The following STK38L variants were observed in gnomAD, a reference collection of about 807,000 sequenced individuals.
STK38L encodes serine/threonine kinase 38 like, also known as serine/threonine-protein kinase 38-like.
In STK38L, 28 loss-of-function variants were observed where a neutral mutation model predicts 59.7. The ratio of observed to expected loss-of-function variants is 0.47; its 90% CI spans 0.35 to 0.64. The LOEUF is 0.64. Among genes scored for constraint, STK38L ranks in the 30% least tolerant of loss-of-function variants. The probability of loss-of-function intolerance (pLI) is 0.01; values close to 1 mark genes in which losing one functional copy is unlikely to be tolerated. For synonymous variants in STK38L, 162 were observed against 176.8 expected, an observed-to-expected ratio of 0.92 and a Z score of 0.66; for missense variants, 314 against 555.8, an observed-to-expected ratio of 0.56 and a Z score of 4.37.
At chr12:27,262,312 T>C (rs1304408486) in intron 1 of STK38L, among the ~76,000 whole-genome samples, 1 of 152,184 alleles carries the variant, frequency 6.6e-6, no homozygotes, top group Non-Finnish European at 1.5e-5. Context: ...ATTTCAACTT[T>C]TAAAAATAGA....
intron 6 of STK38L, among the ~76,000 whole-genome samples, chr12:27,312,886 G>A (rs1944488611): frequency 6.6e-6 from 1 of 152,144 alleles, no homozygotes; most frequent in Non-Finnish European, 1.5e-5. Flanking sequence ...AAATATTACC[G>A]TTCTGGGTTC....
chr12:27,298,043 A>C (rs1311013976), intron 2 of STK38L, 189 bp downstream of exon 2: 2 of 627,658 alleles, frequency 3.2e-6, no homozygotes, highest in Non-Finnish European at 5.2e-6. Flanking sequence ...GAGGTGCCCC[A>C]AGTCTTGTGC....
intron 1 of STK38L, among the ~76,000 whole-genome samples, chr12:27,273,055 T>C (rs1943457890): frequency 6.9e-6 from 1 of 145,464 alleles, no homozygotes. Flanking sequence ...GATTTTTTTC[T>C]TTTTTTTTTT....
intron 6 of STK38L, 59 bp from the exon 7 acceptor site, chr12:27,314,445 A>G: frequency 7.6e-7 from 1 of 1,322,262 alleles, no homozygotes; most frequent in Non-Finnish European, 1.0e-6. Flanking sequence ...AAGCTTTTAC[A>G]AGGTATTCCA....
In STK38L at chr12:27,322,251, T is replaced by A; in HGVS notation, c.1267+17T>A. 1.9e-6 allele frequency: 3 copies of A among 1,613,570 alleles called. No individual in the cohort carries two copies. The highest frequency in any genetic ancestry group is 2.5e-6 in the Non-Finnish European group (3 of 1,179,832). Reference sequence around the variant, plus strand: ...TACAACCAGGTAAGACAATCTGTAATGTAACTAACCCTATTAAAAGTCTTT... The same window carrying A: ...TACAACCAGGTAAGACAATCTGTAAAGTAACTAACCCTATTAAAAGTCTTT... On this transcript the variant is annotated intron_variant, in intron 13 of 13. Transcript: ENST00000389032.
chr12:27,312,475 A>G (rs1173781370), intron 5 of STK38L, 74 bp from the exon 6 acceptor site: 2 of 1,499,768 alleles, frequency 1.3e-6, no homozygotes, highest in Admixed American at 1.9e-5. Flanking sequence ...TTATGGATGG[A>G]TAAGTGTAAG....
chr12:27,255,319 G>C (rs1052088441), intron 1 of STK38L, among the ~76,000 whole-genome samples: 1 of 152,156 alleles, frequency 6.6e-6, no homozygotes, highest in African/African-American at 2.4e-5. Flanking sequence ...GTGCTTTTCT[G>C]TACAAGTAAA....
chr12:27,296,209 C>T (rs914564154), intron 1 of STK38L, among the ~76,000 whole-genome samples: 5 of 152,184 alleles, frequency 3.3e-5, no homozygotes, highest in African/African-American at 7.2e-5. Flanking sequence ...TATAACCATA[C>T]TCAGTGTATG....
At chr12:27,319,475 G>C in intron 12 of STK38L, 52 bp downstream of exon 12, 1 of 1,297,142 alleles carries the variant, frequency 7.7e-7, no homozygotes, top group Middle Eastern at 1.9e-4. Context: ...CAAATTTCTA[G>C]AGTTGGCAAT....
chr12:27,295,615 T>C (rs1362814459), intron 1 of STK38L, among the ~76,000 whole-genome samples: 1 of 152,054 alleles, frequency 6.6e-6, no homozygotes, highest in Non-Finnish European at 1.5e-5. Flanking sequence ...GATGCAGTGC[T>C]GTTGTGAGTT....
chr12:27,281,918 C>G (rs139684367), intron 1 of STK38L, among the ~76,000 whole-genome samples: 3,387 of 152,164 alleles, frequency 0.022, 119 homozygotes, highest in African/African-American at 0.077. Context: ...CACCTGTAAT[C>G]CCAGCTACTT....
At chr12:27,271,343 G>A (rs1943418570) in intron 1 of STK38L, among the ~76,000 whole-genome samples, 1 of 152,210 alleles carries the variant, frequency 6.6e-6, no homozygotes, top group African/African-American at 2.4e-5. Flanking sequence ...TTTCACTGTG[G>A]TTGGTGGGGT....
intron 3 of STK38L, among the ~76,000 whole-genome samples, chr12:27,307,234 A>G (rs1394209324): frequency 6.6e-6 from 1 of 152,242 alleles, no homozygotes; most frequent in African/African-American, 2.4e-5. Context: ...AATTTACACC[A>G]TTGGTGTGCC....
chr12:27,286,559 A>G (rs1339091460), intron 1 of STK38L, among the ~76,000 whole-genome samples: 1 of 152,158 alleles, frequency 6.6e-6, no homozygotes, highest in South Asian at 2.1e-4. Flanking sequence ...ATTTTATACT[A>G]TCATCATTCC....
At chr12:27,291,367 T>G (rs1174056997) in intron 1 of STK38L, among the ~76,000 whole-genome samples, 1 of 152,192 alleles carries the variant, frequency 6.6e-6, no homozygotes, top group Non-Finnish European at 1.5e-5. Context: ...ACTCTTACTA[T>G]AGCCCCATCC....
At chr12:27,269,423 A>C (rs1426317867) in intron 1 of STK38L, among the ~76,000 whole-genome samples, 1 of 152,152 alleles carries the variant, frequency 6.6e-6, no homozygotes, top group Admixed American at 6.5e-5. Context: ...CAAAGATCAG[A>C]TGGTTGTAGA....
intron 2 of STK38L, among the ~76,000 whole-genome samples, chr12:27,298,810 C>G (rs977792777): frequency 6.6e-6 from 1 of 152,210 alleles, no homozygotes; most frequent in Non-Finnish European, 1.5e-5. Context: ...CAATTTCGCT[C>G]AAGCACAGGA....
At chr12:27,284,694 T>G (rs1361701799) in intron 1 of STK38L, among the ~76,000 whole-genome samples, 2 of 152,210 alleles carry the variant, frequency 1.3e-5, no homozygotes, top group African/African-American at 4.8e-5. Context: ...TTTTCCCCTC[T>G]CCTAGATTTG....
chr12:27,301,989 C>G, intron 2 of STK38L, 148 bp from the exon 3 acceptor site: 5 of 512,396 alleles, frequency 9.8e-6, no homozygotes, highest in Non-Finnish European at 3.2e-6. Context: ...GAAAACTATT[C>G]TTAGTGATTA....
Sources: gnomAD v4.1 joint callset for allele counts (sites outside exome capture counted in the v4.1 genomes callset) on GRCh38, gnomAD v4.1.1 for gene constraint, MANE v1.5 for transcripts, NCBI Gene and HGNC (gene_info 2026-07-23, HGNC 2026-07-21) for gene names.